The following CPXM2 variants were observed in gnomAD, a reference collection of about 807,000 sequenced individuals.
The protein encoded by CPXM2 is inactive carboxypeptidase-like protein X2.
In CPXM2, 66 loss-of-function variants were observed where a neutral mutation model predicts 86.1. The observed-to-expected ratio is 0.77, with a 90% CI of 0.63 to 0.94. The LOEUF (loss-of-function observed/expected upper bound fraction) is 0.94. Ranked by LOEUF, CPXM2 falls within the 40% of genes least tolerant of loss-of-function variation. The probability of loss-of-function intolerance (pLI) is 0.00; values close to 1 mark genes in which losing one functional copy is unlikely to be tolerated. For missense variants in CPXM2, 948 were observed against 1,026.3 expected (o/e 0.92, Z 1.04); for synonymous variants, 388 against 400.2 (o/e 0.97, Z 0.36).
intron 4 of CPXM2, among the ~76,000 whole-genome samples, chr10:123,816,454 C>T (rs370694291): frequency 2.0e-5 from 3 of 152,176 alleles, no homozygotes; most frequent in South Asian, 2.1e-4. Context: ...AGATTAGCGC[C>T]GCCATCAAGG....
At chr10:123,859,254 T>C (rs1224668014) in intron 3 of CPXM2, among the ~76,000 whole-genome samples, 3 of 152,270 alleles carry the variant, frequency 2.0e-5, no homozygotes, top group East Asian at 1.9e-4. Flanking sequence ...TGAGACAAGA[T>C]GTGGTTATTT....
At chr10:123,749,718 C>T (rs1564748150) in intron 13 of CPXM2, among the ~76,000 whole-genome samples, 1 of 152,250 alleles carries the variant, frequency 6.6e-6, no homozygotes, top group Non-Finnish European at 1.5e-5. Flanking sequence ...CACTGCTGTT[C>T]CCAACTCCTG....
chr10:123,792,950 G>C lies in CPXM2; in HGVS notation c.889+5026C>G, dbSNP rs192449562. Among the ~76,000 whole-genome samples, 145 of 152,320 alleles carry C rather than the reference G, an allele frequency of 9.5e-4. 1 individual carries two copies. Among genetic ancestry groups the C allele is most frequent in the African/African-American group, 3.2e-3 (131 of 41,574 alleles). ...AGAAGACAGGTGGGCAGCCACCCCA[G>C]AGCCCCCAGAAACCCTAGGGAAGGA... On this transcript the variant is annotated intron_variant, in intron 6 of 13. Transcript: ENST00000241305.
intron 3 of CPXM2, chr10:123,843,170 T>C: frequency 2.7e-6 from 1 of 371,502 alleles, no homozygotes; most frequent in South Asian, 2.1e-5. Flanking sequence ...CAGGCTGGCC[T>C]CAGACTCCTG....
chr10:123,878,506 CGTGTGTGTGTGTGTGTGTGTGTGT>C, intron 2 of CPXM2, among the ~76,000 whole-genome samples: 1 of 134,878 alleles, frequency 7.4e-6, no homozygotes, highest in East Asian at 2.2e-4. Context: ...CAAATTCAGA[CGTGTGTGTGTGTGTGTGTGTGTGT>C]GTGTGTGTGT....
At chr10:123,783,073 T>C (rs1219714) in intron 6 of CPXM2, among the ~76,000 whole-genome samples, 107,469 of 152,150 alleles carry the variant, frequency 0.71, 38,314 homozygotes, top group African/African-American at 0.79. Context: ...GGAAGTTACC[T>C]TATATGGTCT....
intron 2 of CPXM2, among the ~76,000 whole-genome samples, chr10:123,928,694 C>T (rs1371032642): frequency 6.6e-6 from 1 of 152,238 alleles, no homozygotes; most frequent in Admixed American, 6.5e-5. Context: ...GCTAACAGCC[C>T]TGGCTGAGAT....
intron 3 of CPXM2, chr10:123,843,365 G>A (rs1182239463): frequency 2.3e-6 from 1 of 431,552 alleles, no homozygotes; most frequent in Non-Finnish European, 4.6e-6. Flanking sequence ...TCCCAAAAAG[G>A]ACATTTGAAC....
chr10:123,877,950 C>A (rs536140243), intron 2 of CPXM2, among the ~76,000 whole-genome samples: 3 of 152,260 alleles, frequency 2.0e-5, no homozygotes, highest in Non-Finnish European at 4.4e-5. Context: ...CTGTACTGCC[C>A]CCCGCCTTGC....
chr10:123,752,838 G>A (rs1846109636), intron 13 of CPXM2, among the ~76,000 whole-genome samples: 2 of 152,168 alleles, frequency 1.3e-5, no homozygotes, highest in African/African-American at 4.8e-5. Context: ...CTCAGAAGTG[G>A]CCAGGCAGGG....
intron 4 of CPXM2, among the ~76,000 whole-genome samples, chr10:123,833,095 G>A (rs1432589560): frequency 3.3e-5 from 5 of 152,158 alleles, no homozygotes; most frequent in Non-Finnish European, 4.4e-5. Context: ...CTTCAATTAC[G>A]TATAAGTTTC....
Position 123,891,741 on chromosome 10 carries a change from G to A in CPXM2, c.-82C>T. On this transcript the variant is annotated 5_prime_UTR_variant, in exon 1 of 14. Coordinates refer to ENST00000241305, the MANE Select transcript of CPXM2 (RefSeq NM_198148.3). The surrounding 1 kb of genome is among the most constrained non-coding windows in gnomAD (Gnocchi z 5.6). ...CTGCGGGCGCAGAAGCTGGCGCGGG[G>A]CAAGGGCGCAGGGCACAGCAGAGCG... 2.7e-6 allele frequency: 3 copies of A among 1,114,128 alleles called. No individual in the cohort carries two copies. Among genetic ancestry groups the A allele is most frequent in the Non-Finnish European group, 3.5e-6 (3 of 861,974 alleles). The allele number at this position is 1,114,128 out of a possible 1,614,324, so 69.0% of individuals were successfully genotyped here. A position where few individuals can be genotyped will look rare whatever the true frequency, so the allele number is the denominator to read the frequency against.
chr10:123,853,393 T>C (rs1028674394), intron 3 of CPXM2, among the ~76,000 whole-genome samples: 10 of 152,194 alleles, frequency 6.6e-5, no homozygotes, highest in Admixed American at 5.9e-4. Flanking sequence ...AGCTTCAAGG[T>C]GGCAAGAATC....
At chr10:123,784,828 T>C (rs1352388574) in intron 6 of CPXM2, among the ~76,000 whole-genome samples, 1 of 152,192 alleles carries the variant, frequency 6.6e-6, no homozygotes, top group East Asian at 1.9e-4. Flanking sequence ...CTTCTCCCGT[T>C]CACGTACGAT....
At chr10:123,910,030 C>G (rs765839715) in intron 2 of CPXM2, among the ~76,000 whole-genome samples, 11 of 152,294 alleles carry the variant, frequency 7.2e-5, no homozygotes, top group East Asian at 1.9e-4. Context: ...AGGCAGCGCC[C>G]GAACCCACAG....
Position 123,879,454 on chromosome 10 carries a change from C to T in CPXM2, c.403+757G>A, listed in dbSNP as rs1945046002. ...ATGCACATTCCCATGTCTCATTTTC[C>T]TCATCTGTAAAGTATGGATAATAAT... On this transcript the variant is annotated intron_variant, in intron 2 of 13. Transcript: ENST00000241305. 3.3e-5 allele frequency among the ~76,000 whole-genome samples: 5 copies of T among 152,236 alleles called. No homozygotes were observed. In the South Asian group the frequency reaches 1.0e-3, roughly 32 times the overall value.
chr10:123,930,433 G>T (rs1356397588), intron 2 of CPXM2, among the ~76,000 whole-genome samples: 1 of 152,202 alleles, frequency 6.6e-6, no homozygotes, highest in Non-Finnish European at 1.5e-5. Context: ...CATTCCAAAG[G>T]AACGCAGTTC....
intron 3 of CPXM2, among the ~76,000 whole-genome samples, chr10:123,847,953 C>A (rs1564796130): frequency 6.6e-6 from 1 of 152,148 alleles, no homozygotes; most frequent in African/African-American, 2.4e-5. Flanking sequence ...AATAAAAAGT[C>A]ATATCCAAGT....
At chr10:123,904,385 C>G (rs1312430154) in intron 2 of CPXM2, among the ~76,000 whole-genome samples, 5 of 152,160 alleles carry the variant, frequency 3.3e-5, no homozygotes, top group Admixed American at 6.5e-5. Flanking sequence ...ACAGCTATGT[C>G]CTGGAGCAGT....
Sources: allele counts gnomAD v4.1 joint callset (sites outside exome capture counted in the v4.1 genomes callset), GRCh38; gene constraint gnomAD v4.1.1; non-coding constraint Gnocchi (gnomAD v3.1); transcripts MANE v1.5; gene names NCBI Gene and HGNC (gene_info 2026-07-23, HGNC 2026-07-21).